Variants in RAD51B observed in about 807,000 individuals in gnomAD.
RAD51B encodes the protein RAD51 paralog B.
A neutral mutation model predicts 42.2 loss-of-function variants in RAD51B; 38 were observed. That is an observed-to-expected ratio of 0.90 (90% CI 0.70 to 1.18). The LOEUF (loss-of-function observed/expected upper bound fraction) is 1.18. Among genes scored for constraint, RAD51B ranks in the 50% most tolerant of loss-of-function variants. The pLI, the probability that RAD51B is intolerant of heterozygous loss-of-function variation, is 0.00. For missense variants in RAD51B, 373 were observed against 400.7 expected, an observed-to-expected ratio of 0.93 and a Z score of 0.59; for synonymous variants, 154 against 145.2, an observed-to-expected ratio of 1.06 and a Z score of -0.43.
intron 7 of RAD51B, among the ~76,000 whole-genome samples, chr14:67,974,254 A>T (rs2074948488): frequency 6.6e-6 from 1 of 152,226 alleles, no homozygotes; most frequent in East Asian, 1.9e-4. Context: ...AGGGAATTAC[A>T]ATGAAGAGAT....
At chr14:68,074,675 G>A (rs574893677) in intron 7 of RAD51B, among the ~76,000 whole-genome samples, 8 of 152,292 alleles carry the variant, frequency 5.3e-5, no homozygotes, top group Admixed American at 2.6e-4. Flanking sequence ...CTTTAACTGC[G>A]ATGTAATTTG....
intron 3 of RAD51B, among the ~76,000 whole-genome samples, chr14:67,825,859 A>T (rs35022920): frequency 6.6e-5 from 10 of 151,992 alleles, no homozygotes; most frequent in African/African-American, 2.4e-4. Flanking sequence ...CCTCCTGAGT[A>T]GCTGGGATTA....
intron 8 of RAD51B, among the ~76,000 whole-genome samples, chr14:68,318,376 A>G (rs1226098271): frequency 6.6e-6 from 1 of 152,164 alleles, no homozygotes; most frequent in Admixed American, 6.5e-5. Flanking sequence ...TTAGGAAATG[A>G]ATAGGAGGTC....
chr14:68,594,476 C>G lies in RAD51B; in HGVS notation c.1037-9C>G, dbSNP rs1158550052. 19 of 1,364,160 alleles carry G rather than the reference C, an allele frequency of 1.4e-5. No individual in the cohort carries two copies. Among genetic ancestry groups the G allele is most frequent in the Non-Finnish European group, 1.7e-5 (17 of 1,029,288 alleles). 84.5% of individuals were successfully genotyped at this position (1,364,160 alleles called of 1,614,324 possible). A position where few individuals can be genotyped will look rare whatever the true frequency, so the allele number is the denominator to read the frequency against. ...GACTTTGACTTCCTTTTTTTTCTCT[C>G]TCTCTTAGAGACAACATTTTGCTCT... On this transcript the variant is annotated splice_polypyrimidine_tract_variant and intron_variant, in intron 10 of 10. Transcript: ENST00000487270.
chr14:68,349,057 T>C (rs983398085), intron 8 of RAD51B, among the ~76,000 whole-genome samples: 2 of 152,242 alleles, frequency 1.3e-5, no homozygotes, highest in African/African-American at 4.8e-5. Flanking sequence ...CAAATGAGCA[T>C]GGCTGTGTTC....
At chr14:68,557,134 C>T (rs961365514) in intron 10 of RAD51B, among the ~76,000 whole-genome samples, 2 of 152,164 alleles carry the variant, frequency 1.3e-5, no homozygotes, top group Admixed American at 6.5e-5. Context: ...TGTATGGGGT[C>T]ATTATTTTAT....
intron 9 of RAD51B, among the ~76,000 whole-genome samples, chr14:68,427,700 A>G (rs1217105389): frequency 2.6e-5 from 4 of 152,216 alleles, no homozygotes; most frequent in Admixed American, 2.0e-4. Context: ...AGTCTCACTC[A>G]TATATGATTT....
intron 4 of RAD51B, among the ~76,000 whole-genome samples, chr14:67,839,122 A>G (rs1191310194): frequency 1.3e-5 from 2 of 152,120 alleles, no homozygotes; most frequent in Admixed American, 6.5e-5. Flanking sequence ...AATATTTAGG[A>G]TGGATATTCA....
chr14:67,943,893 TATAG>T lies in RAD51B; in HGVS notation c.756+56693_756+56696del, dbSNP rs201707739. On this transcript the variant is annotated intron_variant, in intron 7 of 10. Coordinates refer to ENST00000471583, the MANE Select transcript of RAD51B (RefSeq NM_133510.4). ...TCAGATACTAGCATGTGGGTGGAGA[TATAG>T]ATATAGATATAGGTATAGATATAGA... Among the ~76,000 whole-genome samples the T allele has an allele frequency of 3.5e-3, 531 of 152,178 alleles. 1 individual carries two copies. The highest frequency in any genetic ancestry group is 7.9e-3 in the Admixed American group (121 of 15,278).
chr14:68,088,589 C>T (rs1234172456), intron 7 of RAD51B, among the ~76,000 whole-genome samples: 1 of 136,964 alleles, frequency 7.3e-6, no homozygotes, highest in Non-Finnish European at 1.5e-5. Context: ...GTTATGGGAT[C>T]GTGTGTGTGT....
intron 7 of RAD51B, among the ~76,000 whole-genome samples, chr14:67,977,632 A>G (rs1021710861): frequency 2.0e-5 from 3 of 152,232 alleles, no homozygotes; most frequent in Admixed American, 2.0e-4. Context: ...TGGAAGTTTT[A>G]TGGATTTGAT....
At chr14:68,641,369 A>T (rs12436964) in intron 10 of RAD51B, among the ~76,000 whole-genome samples, 53,499 of 151,840 alleles carry the variant, frequency 0.35, 10,366 homozygotes, top group East Asian at 0.77. Flanking sequence ...ATCCTTTTGG[A>T]TTTTCTACAT....
chr14:68,447,998 A>T (rs2085462345), intron 9 of RAD51B, among the ~76,000 whole-genome samples: 1 of 152,228 alleles, frequency 6.6e-6, no homozygotes, highest in Admixed American at 6.5e-5. Context: ...AAGATGAATA[A>T]AACATAATTT....
At position 68,417,821 on chromosome 14, in the gene RAD51B, T is replaced by C. The variant is rs1018276317; in HGVS notation, c.957+6294T>C. Among the ~76,000 whole-genome samples, 10 of 152,250 alleles carry C rather than the reference T, an allele frequency of 6.6e-5. No homozygotes were observed. In the South Asian group the frequency reaches 8.3e-4, roughly 13 times the overall value. On this transcript the variant is annotated intron_variant, in intron 9 of 10. Coordinates refer to ENST00000471583, the MANE Select transcript of RAD51B (RefSeq NM_133510.4). ...ACTCCCTTTGAAAAAAGTCAATATATCCAAGAAATCACTATTTCTGAATGA... is the reference window on the plus strand; with the variant it reads ...ACTCCCTTTGAAAAAAGTCAATATACCCAAGAAATCACTATTTCTGAATGA...
chr14:68,646,054 T>C (rs897310476), intron 10 of RAD51B, among the ~76,000 whole-genome samples: 5 of 145,406 alleles, frequency 3.4e-5, no homozygotes, highest in African/African-American at 1.0e-4. Context: ...ATTCAAAGTT[T>C]GCTAGGCATC....
chr14:68,322,182 T>A (rs1475865693), intron 8 of RAD51B, among the ~76,000 whole-genome samples: 1 of 152,244 alleles, frequency 6.6e-6, no homozygotes, highest in Admixed American at 6.5e-5. Context: ...GTTTTTCTTT[T>A]AATTCATGCA....
At chr14:68,358,371 GC>G (rs1315475644) in intron 8 of RAD51B, among the ~76,000 whole-genome samples, 1 of 152,222 alleles carries the variant, frequency 6.6e-6, no homozygotes, top group Non-Finnish European at 1.5e-5. Context: ...AGCTAGACAT[GC>G]CTGTACTCCT....
In RAD51B at chr14:67,939,216, C is replaced by T. The variant is rs187356970; in HGVS notation, c.756+52012C>T. 2.1e-4 allele frequency among the ~76,000 whole-genome samples: 32 copies of T among 152,112 alleles called. 2 individuals carry two copies. Among genetic ancestry groups the T allele is most frequent in the Admixed American group, 2.1e-3 (32 of 15,268 alleles). Reference sequence around the variant, plus strand: ...GCTTTACTCTTCCCCGCCCCTGCCCCCCTCCATGTGGAAACACATACAAAC... The same window carrying T: ...GCTTTACTCTTCCCCGCCCCTGCCCTCCTCCATGTGGAAACACATACAAAC... On this transcript the variant is annotated intron_variant, in intron 7 of 10. Transcript: ENST00000471583.
chr14:68,098,348 T>C (rs1050668629), intron 7 of RAD51B, among the ~76,000 whole-genome samples: 1 of 152,270 alleles, frequency 6.6e-6, no homozygotes, highest in Non-Finnish European at 1.5e-5. Context: ...AACAAAATAG[T>C]ACCTGCCCAG....
Sources: allele counts gnomAD v4.1 joint callset (sites outside exome capture counted in the v4.1 genomes callset), GRCh38; gene constraint gnomAD v4.1.1; transcripts MANE v1.5; gene names NCBI Gene and HGNC (gene_info 2026-07-23, HGNC 2026-07-21).